The following SYMPK variants were observed in gnomAD, a reference collection of about 807,000 sequenced individuals.
SYMPK encodes the protein symplekin scaffold protein, also known as symplekin.
In SYMPK, 49 loss-of-function variants were observed where a neutral mutation model predicts 136.4. That is an observed-to-expected ratio of 0.36 (90% confidence interval 0.29 to 0.46). SYMPK has a LOEUF of 0.46. Among genes scored for constraint, SYMPK ranks in the 20% least tolerant of loss-of-function variants. SYMPK has a pLI of 1.00. For missense variants in SYMPK, 1,365 were observed against 1,690.0 expected (o/e 0.81, Z 3.37); for synonymous variants, 766 against 713.0 (o/e 1.07, Z -1.19).
intron 12 of SYMPK, 102 bp downstream of exon 12, chr19:45,831,282 T>C (rs1971165728): frequency 1.5e-6 from 1 of 674,722 alleles, no homozygotes. Flanking sequence ...GCATCTCAGT[T>C]ACACACACAC....
chr19:45,831,549 T>C lies in SYMPK; in HGVS notation c.1433A>G (p.Glu478Gly). 6.2e-7 allele frequency: 1 copy of C among 1,610,688 alleles called. No individual in the cohort carries two copies. Among genetic ancestry groups the C allele is most frequent in the Non-Finnish European group, 8.5e-7 (1 of 1,178,800 alleles). ...QTKQCKEEPK[E>G]EKVVKTESVL... ...GCTCTCTGTCTTCACCACCTTCTCC[T>C]CCTTGGGCTCCTCCTTGCACTGTTT... Residue 478 changes from glutamate (E) to glycine (G), a missense_variant, in exon 12 of 27, where the codon GAG becomes GGG. Transcript: ENST00000245934.
intron 11 of SYMPK, among the ~76,000 whole-genome samples, chr19:45,834,506 G>T (rs1327193814): frequency 7.2e-6 from 1 of 139,356 alleles, no homozygotes; most frequent in Non-Finnish European, 1.6e-5. Context: ...TTACCTTTGA[G>T]CTATGTTTAG....
Position 45,842,320 on chromosome 19 carries a change from C to T in SYMPK, c.1017G>A (p.Met339Ile). Residue 339 changes from methionine to isoleucine, a missense_variant, in exon 9 of 27, where the codon ATG (methionine) becomes ATA (isoleucine). By Grantham distance (10) the Met-to-Ile change is conservative. Coordinates refer to ENST00000245934, the MANE Select transcript of SYMPK (RefSeq NM_004819.3). ...GCTTGCGGGTGTCCTTGCTGCTCGG[C>T]ATGTTGCGGGCGATCTCGGCCTGAG... ...GTPQAEIARN[M>I]PSSKDTRKRP... 6.2e-7 allele frequency: 1 copy of T among 1,614,222 alleles called. No homozygotes were observed. Among genetic ancestry groups the T allele is most frequent in the Non-Finnish European group, 8.5e-7 (1 of 1,180,040 alleles).
chr19:45,847,582 T>C (rs1030094873), intron 7 of SYMPK, among the ~76,000 whole-genome samples, 170 bp downstream of exon 7: 2 of 152,082 alleles, frequency 1.3e-5, no homozygotes, highest in African/African-American at 4.8e-5. Context: ...AAGTTCATGA[T>C]GAGTAAGCAG....
chr19:45,827,723 C>T, intron 15 of SYMPK, 100 bp from the exon 16 acceptor site: 1 of 1,487,746 alleles, frequency 6.7e-7, no homozygotes, highest in Admixed American at 1.7e-5. Flanking sequence ...GACAAAAGGG[C>T]CCGGTCCCTC....
At chr19:45,817,417 C>CTCTTTTTTTTTTTTTTTTTTTTTT (rs1568605965) in intron 23 of SYMPK, among the ~76,000 whole-genome samples, 2 of 108,478 alleles carry the variant, frequency 1.8e-5, no homozygotes, top group Non-Finnish European at 3.7e-5. Context: ...TTTTTGTTCT[C>CTCTTTTTTTTTTTTTTTTTTTTTT]TTTTTTTTTT....
chr19:45,815,543 T>A lies in SYMPK; in HGVS notation c.*17A>T. ...GCCCCGAGTCCCTGTCCCACCCCCT[T>A]TCCCCCTCGAGCCCCGTCAGCTGTT... is the stretch of plus-strand genomic sequence containing the variant. On this transcript the variant is annotated 3_prime_UTR_variant, in exon 27 of 27. Transcript: ENST00000245934. The A allele has an allele frequency of 7.3e-7, 1 of 1,365,610 alleles. No individual in the cohort carries two copies. Among genetic ancestry groups the A allele is most frequent in the Non-Finnish European group, 9.7e-7 (1 of 1,030,380 alleles). The allele number at this position is 1,365,610 out of a possible 1,614,324, so 84.6% of individuals were successfully genotyped here. A position where few individuals can be genotyped will look rare whatever the true frequency, so the allele number is the denominator to read the frequency against.
At chr19:45,857,738 G>T (rs574092745) in intron 1 of SYMPK, among the ~76,000 whole-genome samples, 1 of 151,160 alleles carries the variant, frequency 6.6e-6, no homozygotes, top group East Asian at 2.0e-4. Context: ...TGATCCGCCC[G>T]CCTTGGCCTC....
At chr19:45,858,021 ACTC>A (rs1971875511) in intron 1 of SYMPK, among the ~76,000 whole-genome samples, 1 of 147,424 alleles carries the variant, frequency 6.8e-6, no homozygotes, top group Non-Finnish European at 1.5e-5. Context: ...CTGGTCTCGA[ACTC>A]CTGACCTCAG....
Position 45,816,812 on chromosome 19 carries a change from AG to A in SYMPK, c.3243del (p.Phe1082SerfsTer14). The A allele has an allele frequency of 6.5e-7, 1 of 1,536,410 alleles. No homozygotes were observed. The highest frequency in any genetic ancestry group is 8.8e-7 in the Non-Finnish European group (1 of 1,140,640). On this transcript the variant is annotated frameshift_variant, in exon 24 of 27. Transcript: ENST00000245934. LOFTEE classifies it high-confidence loss of function. Reference sequence around the variant, plus strand: ...GGAAGGGGTACCTGGTGGGGGGTGAAGGAGCGGACATGGGCCAGCAGGGGCT... The same window carrying A: ...GGAAGGGGTACCTGGTGGGGGGTGAAGAGCGGACATGGGCCAGCAGGGGCT... ...LREPLLAHVR[S>X]FTPHQQAHIP... is the part of the protein sequence containing the mutation.
At chr19:45,817,815 A>G in intron 23 of SYMPK, 144 bp downstream of exon 23, 2 of 833,054 alleles carry the variant, frequency 2.4e-6, no homozygotes, top group South Asian at 1.8e-5. Context: ...ACCCTGGAGC[A>G]CTGCTATTTT....
chr19:45,838,326 C>T, intron 10 of SYMPK, 135 bp downstream of exon 10: 1 of 1,117,530 alleles, frequency 8.9e-7, no homozygotes, highest in Non-Finnish European at 1.2e-6. Flanking sequence ...GAACTGTAAG[C>T]CAATTAAACC....
rs368003752 is a variant in SYMPK, at chr19:45,827,799, C to A, written c.2067+38G>T. On this transcript the variant is annotated intron_variant, in intron 15 of 26. Transcript: ENST00000245934. ...AGACCCCTCAGGGCAGGGCCCTGTCCCCTGCCCCGGGCTGCACTGACCAGG... is the reference window on the plus strand; with the variant it reads ...AGACCCCTCAGGGCAGGGCCCTGTCACCTGCCCCGGGCTGCACTGACCAGG... The A allele has an allele frequency of 1.9e-6, 3 of 1,607,552 alleles. No homozygotes were observed. The African/African-American group carries it at 4.0e-5, about 21-fold the overall frequency.
At chr19:45,829,253 G>C in intron 13 of SYMPK, 48 bp from the exon 14 acceptor site, 1 of 1,533,648 alleles carries the variant, frequency 6.5e-7, no homozygotes, top group South Asian at 1.1e-5. Context: ...GGCAATCCAG[G>C]GACTCCGCAA....
At position 45,815,983 on chromosome 19, in the gene SYMPK, A is replaced by T; in HGVS notation, c.3555T>A (p.Ser1185=). Residue 1185 remains serine, a synonymous_variant, in exon 26 of 27, where the codon TCT becomes TCA. Transcript: ENST00000245934. ...CCTCCCGGAAATCCATGGCTTCCTC[A>T]GACGGGGGCGGGCCTGGCCGGGCCG... ...SPSARPGPPP[S]EEAMDFREEG... 6.2e-7 allele frequency: 1 copy of T among 1,608,710 alleles called. No individual in the cohort carries two copies. Among genetic ancestry groups the T allele is most frequent in the Non-Finnish European group, 8.5e-7 (1 of 1,178,352 alleles).
intron 7 of SYMPK, among the ~76,000 whole-genome samples, chr19:45,846,171 G>A (rs935130833): frequency 1.3e-5 from 2 of 152,220 alleles, no homozygotes; most frequent in Non-Finnish European, 2.9e-5. Context: ...GGGAGGCGGA[G>A]CATGCAGTGA....
rs532479677 is a variant in SYMPK at position 45,830,355 on chromosome 19, G to A, written c.1599-151C>T. 3.0e-4 allele frequency: 257 copies of A among 862,784 alleles called. 2 individuals carry two copies. The highest frequency in any genetic ancestry group is 8.4e-5 in the Admixed American group (3 of 35,504). 53.4% of individuals were successfully genotyped at this position (862,784 alleles called of 1,614,324 possible). A position where few individuals can be genotyped will look rare whatever the true frequency, so the allele number is the denominator to read the frequency against. On this transcript the variant is annotated intron_variant, in intron 12 of 26. Transcript: ENST00000245934. Reference sequence around the variant, plus strand: ...CAGTTCCTCTGTGTCTCTGAGGCACGGTGTGGCGGTGGGTAAGAGGAAGGA... The same window carrying A: ...CAGTTCCTCTGTGTCTCTGAGGCACAGTGTGGCGGTGGGTAAGAGGAAGGA...
chr19:45,842,161 C>T (rs1971455157), intron 9 of SYMPK, 89 bp downstream of exon 9: 1 of 1,565,370 alleles, frequency 6.4e-7, no homozygotes, highest in South Asian at 1.2e-5. Context: ...ATAATATAAT[C>T]TTAGTAAATA....
chr19:45,815,722 A>C, intron 26 of SYMPK, 25 bp from the exon 27 acceptor site: 1 of 1,605,430 alleles, frequency 6.2e-7, no homozygotes, highest in Non-Finnish European at 8.5e-7. Context: ...AGGAAAGGGC[A>C]GCCGGGTGGA....
Sources: gnomAD v4.1 joint callset for allele counts (sites outside exome capture counted in the v4.1 genomes callset) on GRCh38, gnomAD v4.1.1 for gene constraint, MANE v1.5 for transcripts, NCBI Gene and HGNC (gene_info 2026-07-23, HGNC 2026-07-21) for gene names.